TPST2: variants seen among roughly 807,000 people sequenced by gnomAD.
The protein encoded by TPST2 is protein-tyrosine sulfotransferase 2.
Under a neutral mutation model 27.8 loss-of-function variants are expected in TPST2, and 16 were observed. The ratio of observed to expected loss-of-function variants is 0.58; its 90% CI spans 0.39 to 0.88. TPST2 has a LOEUF of 0.88. Among genes scored for constraint, TPST2 ranks in the 40% least tolerant of loss-of-function variants. The pLI is 0.00. For missense variants in TPST2, 464 were observed against 543.1 expected, an observed-to-expected ratio of 0.85 and a Z score of 1.45; for synonymous variants, 229 against 231.7, an observed-to-expected ratio of 0.99 and a Z score of 0.10.
chr22:26,570,185 CT>C (rs1927577045), intron 1 of TPST2, among the ~76,000 whole-genome samples: 1 of 151,964 alleles, frequency 6.6e-6, no homozygotes, highest in Admixed American at 6.6e-5. Flanking sequence ...ACCCCACACA[CT>C]TTTTTTTCCC....
chr22:26,589,668 C>G (rs1376194970), intron 1 of TPST2, among the ~76,000 whole-genome samples: 1 of 152,184 alleles, frequency 6.6e-6, no homozygotes, highest in Non-Finnish European at 1.5e-5. Context: ...GCCTGGGGGT[C>G]CCCGCGCGCC....
At position 26,541,493 on chromosome 22, in the gene TPST2, C is replaced by T; in HGVS notation, c.138G>A (p.Arg46=). 1 of 1,611,904 alleles carries T rather than the reference C, an allele frequency of 6.2e-7. No individual in the cohort carries two copies. Among genetic ancestry groups the T allele is most frequent in the South Asian group, 1.1e-5 (1 of 90,866 alleles). ...AGLRSPRGAM[R]PEQEELVMVG... Reference sequence around the variant, plus strand: ...CCATCACCAGCTCCTCCTGCTCAGGCCGCATGGCCCCCCGGGGGCTCCGCA... The same window carrying T: ...CCATCACCAGCTCCTCCTGCTCAGGTCGCATGGCCCCCCGGGGGCTCCGCA... Residue 46 remains arginine (R), a synonymous_variant, in exon 3 of 7, where the codon CGG becomes CGA. Transcript: ENST00000338754. This position sits in a 1 kb window ranked among gnomAD's most constrained non-coding sequence, Gnocchi z 5.9.
chr22:26,578,191 A>G (rs953142819), intron 1 of TPST2, among the ~76,000 whole-genome samples: 1 of 152,170 alleles, frequency 6.6e-6, no homozygotes, highest in Non-Finnish European at 1.5e-5. Context: ...ATCTATGAGG[A>G]CAGTGCTCTG....
At chr22:26,574,630 C>G (rs1194049549) in intron 1 of TPST2, among the ~76,000 whole-genome samples, 1 of 152,196 alleles carries the variant, frequency 6.6e-6, no homozygotes, top group Admixed American at 6.5e-5. Context: ...TCATTATCTG[C>G]TTTTCTCCTG....
chr22:26,540,450 T>C (rs1015599489), intron 3 of TPST2, among the ~76,000 whole-genome samples: 1 of 152,020 alleles, frequency 6.6e-6, no homozygotes, highest in Non-Finnish European at 1.5e-5. Flanking sequence ...AATACAAAAA[T>C]TAGCCCAGCT....
chr22:26,541,048 G>A lies in TPST2; in HGVS notation c.583C>T (p.Arg195Cys), dbSNP rs749743940. The A allele has an allele frequency of 8.7e-6, 14 of 1,613,908 alleles. No homozygotes were observed. The highest frequency in any genetic ancestry group is 2.2e-5 in the East Asian group (1 of 44,882). The change falls in exon 3 of 7, where the codon CGC (arginine) becomes TGC (cysteine). Residue 195 changes from arginine (R) to cysteine (C), a missense_variant. Coordinates refer to ENST00000338754, the MANE Select transcript of TPST2 (RefSeq NM_003595.5). This position sits in a 1 kb window ranked among gnomAD's most constrained non-coding sequence, Gnocchi z 5.9. ...GRASVHSMIT[R>C]KVTIAGFDLS... ...TCAAAGCCCGCAATGGTGACTTTGC[G>A]CGTGATCATGGAGTGCACGGAGGCC...
intron 4 of TPST2, chr22:26,535,949 C>T: frequency 2.5e-6 from 1 of 404,250 alleles, no homozygotes; most frequent in East Asian, 6.1e-5. Flanking sequence ...TCAACAAAGA[C>T]TTGAGGTGCC....
chr22:26,551,118 A>G (rs995229572), intron 1 of TPST2, among the ~76,000 whole-genome samples: 1 of 150,280 alleles, frequency 6.7e-6, no homozygotes, highest in African/African-American at 2.5e-5. Context: ...ATAAGACAAA[A>G]CCCTCTCTTT....
intron 4 of TPST2, among the ~76,000 whole-genome samples, chr22:26,535,540 A>G (rs951657283): frequency 6.6e-6 from 1 of 152,222 alleles, no homozygotes; most frequent in African/African-American, 2.4e-5. Context: ...CACTTTGGGA[A>G]GAGTGAAGCA....
intron 1 of TPST2, among the ~76,000 whole-genome samples, chr22:26,553,286 T>C (rs1200776606): frequency 6.6e-6 from 1 of 151,384 alleles, no homozygotes; most frequent in African/African-American, 2.4e-5. Flanking sequence ...GAAAAAGAAG[T>C]GCACACTCAT....
At chr22:26,581,795 A>AG (rs1238982935) in intron 1 of TPST2, among the ~76,000 whole-genome samples, 3 of 152,234 alleles carry the variant, frequency 2.0e-5, no homozygotes, top group Admixed American at 1.3e-4. Context: ...TATAACTTGT[A>AG]GGGACTCAAA....
At chr22:26,557,774 T>TG (rs1460375161) in intron 1 of TPST2, among the ~76,000 whole-genome samples, 1 of 136,468 alleles carries the variant, frequency 7.3e-6, no homozygotes, top group African/African-American at 2.7e-5. Flanking sequence ...GGGTCAGACG[T>TG]GGTGGCCCAT....
chr22:26,546,076 C>CA (rs756682739), intron 1 of TPST2, among the ~76,000 whole-genome samples: 1,565 of 69,424 alleles, frequency 0.023, 19 homozygotes, highest in African/African-American at 0.055. Flanking sequence ...GACCACGTCT[C>CA]AAAAAAAAAA....
At position 26,579,075 on chromosome 22, in the gene TPST2, C is replaced by A. The variant is rs375344192; in HGVS notation, c.-161+10978G>T. 5.3e-5 allele frequency among the ~76,000 whole-genome samples: 8 copies of A among 152,252 alleles called. No individual in the cohort carries two copies. In the South Asian group the frequency reaches 8.3e-4, roughly 16 times the overall value. On this transcript the variant is annotated intron_variant, in intron 1 of 6. Coordinates refer to ENST00000338754, the MANE Select transcript of TPST2 (RefSeq NM_003595.5). ...CCATGTTGCTCAGGCTGGTCTTGAA[C>A]CCCTGAGCTCACGCAAGTGATCCGC...
At chr22:26,550,603 G>A in intron 1 of TPST2, 1 of 985,532 alleles carries the variant, frequency 1.0e-6, no homozygotes, top group East Asian at 1.1e-4. Context: ...GAGTGGCCCT[G>A]GAGCAGGGCC....
At chr22:26,539,201 G>A (rs915221488) in intron 3 of TPST2, among the ~76,000 whole-genome samples, 1 of 152,218 alleles carries the variant, frequency 6.6e-6, no homozygotes, top group African/African-American at 2.4e-5. Flanking sequence ...CTCTGGGCCT[G>A]GGAAGGGGCC....
intron 1 of TPST2, among the ~76,000 whole-genome samples, chr22:26,564,029 G>A (rs1199427352): frequency 6.6e-6 from 1 of 152,170 alleles, no homozygotes; most frequent in Non-Finnish European, 1.5e-5. Context: ...CCTGCCAGCA[G>A]TCTGCATGTT....
At chr22:26,582,362 G>A (rs537638185) in intron 1 of TPST2, among the ~76,000 whole-genome samples, 1 of 152,288 alleles carries the variant, frequency 6.6e-6, no homozygotes, top group South Asian at 2.1e-4. Context: ...GGGAGGCAGA[G>A]GTTGCAGTGA....
rs377741619 is a variant in TPST2, at chr22:26,541,506, C to T, written c.125G>A (p.Arg42Gln). 3.2e-5 allele frequency: 51 copies of T among 1,611,496 alleles called. No individual in the cohort carries two copies. Among genetic ancestry groups the T allele is most frequent in the African/African-American group, 3.1e-4 (23 of 74,908 alleles). ...RAVLAGLRSP[R>Q]GAMRPEQEEL... ...CTCCTGCTCAGGCCGCATGGCCCCC[C>T]GGGGGCTCCGCAGGCCCGCCAGCAC... Residue 42 changes from arginine (R) to glutamine (Q), a missense_variant, in exon 3 of 7, where the codon CGG becomes CAG. Transcript: ENST00000338754. This position sits in a 1 kb window ranked among gnomAD's most constrained non-coding sequence, Gnocchi z 5.9.
Sources: gnomAD v4.1 joint callset for allele counts (sites outside exome capture counted in the v4.1 genomes callset) on GRCh38, gnomAD v4.1.1 for gene constraint, Gnocchi (gnomAD v3.1) non-coding constraint, MANE v1.5 for transcripts, NCBI Gene and HGNC (gene_info 2026-07-23, HGNC 2026-07-21) for gene names.